Variants in MCPH1 observed in about 807,000 individuals in gnomAD.
MCPH1 encodes the protein microcephalin.
In MCPH1, 104 loss-of-function variants were observed where a neutral mutation model predicts 84.5. The observed-to-expected ratio is 1.23, with a 90% CI of 1.05 to 1.45. The LOEUF (loss-of-function observed/expected upper bound fraction) is 1.45. Among genes scored for constraint, MCPH1 ranks in the 40% most tolerant of loss-of-function variants. The pLI, the probability that MCPH1 is intolerant of heterozygous loss-of-function variation, is 0.00. For missense variants in MCPH1, 1,498 were observed against 1,005.7 expected (o/e 1.49, Z -6.62); for synonymous variants, 514 against 366.8 (o/e 1.40, Z -4.58).
At chr8:6,569,289 C>T (rs533402156) in intron 12 of MCPH1, among the ~76,000 whole-genome samples, 4 of 152,168 alleles carry the variant, frequency 2.6e-5, no homozygotes, top group African/African-American at 9.7e-5. Context: ...ATAGTGATTC[C>T]TTTATATGCC....
intron 12 of MCPH1, among the ~76,000 whole-genome samples, chr8:6,567,910 C>A (rs1316813779): frequency 6.6e-6 from 1 of 152,224 alleles, no homozygotes; most frequent in Admixed American, 6.5e-5. Context: ...TGCCTACCCA[C>A]CCAATTTTTG....
In MCPH1 at chr8:6,595,306, T is replaced by C. The variant is rs545862730; in HGVS notation, c.2215-26148T>C. ...GTGAATGGAATAAGCAAATAGGGTA[T>C]GTACTGTAGGAGCAAACAAGGGATA... On this transcript the variant is annotated intron_variant, in intron 12 of 13. Transcript: ENST00000344683. 1.7e-4 allele frequency among the ~76,000 whole-genome samples: 26 copies of C among 152,252 alleles called. No individual in the cohort carries two copies. In the South Asian group the frequency reaches 3.1e-3, roughly 18 times the overall value.
At chr8:6,442,420 G>A (rs950980222) in intron 7 of MCPH1, among the ~76,000 whole-genome samples, 7 of 152,156 alleles carry the variant, frequency 4.6e-5, no homozygotes, top group Middle Eastern at 3.4e-3. Context: ...TATTGTGAAC[G>A]TATATGAACT....
chr8:6,447,064 G>A, intron 8 of MCPH1: 5 of 985,410 alleles, frequency 5.1e-6, no homozygotes, highest in Non-Finnish European at 6.0e-6. Flanking sequence ...TAGTGCGAGA[G>A]GATCTTCTAC....
intron 9 of MCPH1, among the ~76,000 whole-genome samples, chr8:6,468,305 T>G (rs1585944888): frequency 6.6e-6 from 1 of 152,300 alleles, no homozygotes; most frequent in East Asian, 1.9e-4. Context: ...GGGTGTCACC[T>G]GTGCATGCCC....
intron 12 of MCPH1, among the ~76,000 whole-genome samples, chr8:6,609,183 T>C (rs1830032044): frequency 6.6e-6 from 1 of 152,208 alleles, no homozygotes; most frequent in South Asian, 2.1e-4. Flanking sequence ...CTGTGCATTT[T>C]ATCGTAATAT....
chr8:6,525,515 C>G (rs1035430997), intron 12 of MCPH1, among the ~76,000 whole-genome samples: 12 of 152,326 alleles, frequency 7.9e-5, no homozygotes, highest in African/African-American at 2.6e-4. Flanking sequence ...TAGGCATGAG[C>G]CACTGTGCCT....
intron 13 of MCPH1, among the ~76,000 whole-genome samples, chr8:6,630,460 T>C (rs1271571535): frequency 6.6e-6 from 1 of 152,036 alleles, no homozygotes; most frequent in East Asian, 1.9e-4. Flanking sequence ...CTAAACAAGC[T>C]CAAGCGTTAA....
intron 13 of MCPH1, chr8:6,626,819 C>G: frequency 1.0e-6 from 1 of 985,290 alleles, no homozygotes; most frequent in South Asian, 4.7e-5. Context: ...CAGCTCTGTG[C>G]ACTCTTCCCT....
chr8:6,610,306 C>G (rs546522587), intron 12 of MCPH1, among the ~76,000 whole-genome samples: 2 of 152,220 alleles, frequency 1.3e-5, no homozygotes, highest in Non-Finnish European at 2.9e-5. Flanking sequence ...TAGACAAACT[C>G]TAAGTTACAA....
At chr8:6,597,437 T>C (rs1006262835) in intron 12 of MCPH1, among the ~76,000 whole-genome samples, 2 of 152,168 alleles carry the variant, frequency 1.3e-5, no homozygotes, top group Admixed American at 6.5e-5. Context: ...AAATATGTCT[T>C]GTAAGATGAA....
chr8:6,532,326 A>C (rs199686557), intron 12 of MCPH1: 1 of 1,614,084 alleles, frequency 6.2e-7, no homozygotes, highest in East Asian at 2.2e-5. Context: ...ATGTGGCATT[A>C]CTTACTTGGG....
At chr8:6,485,040 A>G (rs143184250) in intron 11 of MCPH1, among the ~76,000 whole-genome samples, 2 of 152,318 alleles carry the variant, frequency 1.3e-5, no homozygotes, top group East Asian at 1.9e-4. Flanking sequence ...TAAGAAGAAT[A>G]TCTAGGCGGG....
chr8:6,463,787 A>G (rs1413884645), intron 9 of MCPH1, among the ~76,000 whole-genome samples: 2 of 152,230 alleles, frequency 1.3e-5, no homozygotes, highest in African/African-American at 4.8e-5. Context: ...AGGTTCTGGA[A>G]TGAGTACTTC....
rs34744896 is a variant in MCPH1, at chr8:6,499,572, C to T, written c.2137-280C>T. The T allele has an allele frequency of 0.23, 45,837 of 199,254 alleles. 6,801 individuals carry two copies. The highest frequency in any genetic ancestry group is 0.36 in the Middle Eastern group (176 of 494). 12.3% of individuals were successfully genotyped at this position (199,254 alleles called of 1,614,324 possible). A position where few individuals can be genotyped will look rare whatever the true frequency, so the allele number is the denominator to read the frequency against. On this transcript the variant is annotated intron_variant, in intron 11 of 13. Coordinates refer to ENST00000344683, the MANE Select transcript of MCPH1 (RefSeq NM_024596.5). Reference sequence around the variant, plus strand: ...TTAAAAATATATATATAAAATATTTCATATGTGTAAAAACAGGATAATATT... The same window carrying T: ...TTAAAAATATATATATAAAATATTTTATATGTGTAAAAACAGGATAATATT...
At chr8:6,484,984 A>T (rs1809693398) in intron 11 of MCPH1, among the ~76,000 whole-genome samples, 1 of 152,232 alleles carries the variant, frequency 6.6e-6, no homozygotes, top group South Asian at 2.1e-4. Context: ...AGAACTGTAC[A>T]CACATATGCA....
chr8:6,528,142 C>T (rs913919335), intron 12 of MCPH1, among the ~76,000 whole-genome samples: 1 of 152,270 alleles, frequency 6.6e-6, no homozygotes, highest in African/African-American at 2.4e-5. Flanking sequence ...AGGGATTCAC[C>T]TGCCTCGGCC....
rs773915060 is a variant in MCPH1, at chr8:6,406,658, G to C, written c.-10G>C. 13 of 1,611,918 alleles carry C rather than the reference G, an allele frequency of 8.1e-6. No homozygotes were observed. The African/African-American group carries it at 9.3e-5, about 12-fold the overall frequency. ...CGCGTAGGCCAGCTGGCCGGATCCCGCCGTCTGTCATGGCGGCCCCCATCC... is the reference window on the plus strand; with the variant it reads ...CGCGTAGGCCAGCTGGCCGGATCCCCCCGTCTGTCATGGCGGCCCCCATCC... On this transcript the variant is annotated 5_prime_UTR_variant, in exon 1 of 14. Coordinates refer to ENST00000344683, the MANE Select transcript of MCPH1 (RefSeq NM_024596.5).
At chr8:6,456,687 T>C (rs1045439399) in intron 9 of MCPH1, among the ~76,000 whole-genome samples, 6 of 151,738 alleles carry the variant, frequency 4.0e-5, no homozygotes, top group African/African-American at 1.2e-4. Flanking sequence ...TCAGTAAATA[T>C]TGAGTGTTGA....
Sources: allele counts gnomAD v4.1 joint callset (sites outside exome capture counted in the v4.1 genomes callset), GRCh38; gene constraint gnomAD v4.1.1; transcripts MANE v1.5; gene names NCBI Gene and HGNC (gene_info 2026-07-23, HGNC 2026-07-21).